WDFY3: variants seen among roughly 807,000 people sequenced by gnomAD.
WDFY3 encodes the protein WD repeat and FYVE domain containing 3.
Under a neutral mutation model 409.6 loss-of-function variants are expected in WDFY3, and 66 were observed. That is an observed-to-expected ratio of 0.16 (90% confidence interval 0.13 to 0.20). WDFY3 has a LOEUF of 0.20. Ranked by LOEUF, WDFY3 falls within the 10% of genes least tolerant of loss-of-function variation. The pLI is 1.00. For synonymous variants in WDFY3, 1,521 were observed against 1,537.1 expected, an observed-to-expected ratio of 0.99 and a Z score of 0.25; for missense variants, 3,031 against 4,298.1, an observed-to-expected ratio of 0.71 and a Z score of 8.24.
intron 12 of WDFY3, among the ~76,000 whole-genome samples, chr4:84,819,663 C>T (rs376699375): frequency 5.9e-5 from 9 of 151,922 alleles, no homozygotes; most frequent in Admixed American, 2.0e-4. Flanking sequence ...GGAGAGATTA[C>T]GTTTTATTAG....
intron 47 of WDFY3, among the ~76,000 whole-genome samples, chr4:84,719,117 A>C (rs1734431306): frequency 6.6e-6 from 1 of 152,144 alleles, no homozygotes; most frequent in Non-Finnish European, 1.5e-5. Flanking sequence ...AAAATAAGTG[A>C]GATAATGTAC....
rs902546327 is a variant in WDFY3 at position 84,942,337 on chromosome 4, TA to T, written c.-225-9975del. On this transcript the variant is annotated intron_variant, in intron 1 of 67. Coordinates refer to ENST00000295888, the MANE Select transcript of WDFY3 (RefSeq NM_014991.6). ...AATATATAATGAATTCTTTAAACAA[TA>T]AAAAAAAAGCAAACTGATTTTAAAA... Among the ~76,000 whole-genome samples the T allele has an allele frequency of 2.1e-4, 31 of 149,182 alleles. No homozygotes were observed. In the East Asian group the frequency reaches 2.5e-3, roughly 12 times the overall value.
chr4:84,855,503 T>C (rs1759635835), intron 4 of WDFY3, among the ~76,000 whole-genome samples: 1 of 152,206 alleles, frequency 6.6e-6, no homozygotes, highest in African/African-American at 2.4e-5. Context: ...ATTAATGGTG[T>C]TATCTAATGG....
At chr4:84,775,952 T>C (rs1745479091) in intron 27 of WDFY3, among the ~76,000 whole-genome samples, 1 of 151,632 alleles carries the variant, frequency 6.6e-6, no homozygotes, top group African/African-American at 2.4e-5. Context: ...AATACAGAAA[T>C]GTTAAAAAAA....
chr4:84,690,302 G>T (rs541069032), intron 61 of WDFY3, among the ~76,000 whole-genome samples: 1 of 151,992 alleles, frequency 6.6e-6, no homozygotes, highest in Middle Eastern at 3.4e-3. Flanking sequence ...TTTAACAAAG[G>T]GACCGGCTTA....
chr4:84,829,814 T>TAAATAAATAAAC (rs551996923), intron 8 of WDFY3, among the ~76,000 whole-genome samples: 3 of 144,592 alleles, frequency 2.1e-5, no homozygotes, highest in Admixed American at 2.1e-4. Context: ...TGTCTCAAAA[T>TAAATAAATAAAC]AAATAAATAA....
At chr4:84,724,266 T>G (rs1165673969) in intron 46 of WDFY3, among the ~76,000 whole-genome samples, 160 bp downstream of exon 46, 1 of 152,240 alleles carries the variant, frequency 6.6e-6, no homozygotes, top group African/African-American at 2.4e-5. Context: ...TTTTTAGTTC[T>G]GACAAAGAAA....
Position 84,880,413 on chromosome 4 carries a change from A to G in WDFY3, c.-32+16498T>C, listed in dbSNP as rs1763329009. 3.3e-5 allele frequency among the ~76,000 whole-genome samples: 5 copies of G among 151,912 alleles called. No homozygotes were observed. The South Asian group carries it at 1.0e-3, about 32-fold the overall frequency. On this transcript the variant is annotated intron_variant, in intron 3 of 67. Transcript: ENST00000295888. ...TTGTGTATCAAAAATCAAATGTGACAATACCAAATTAGTAAAGATGTGAAC... is the reference window on the plus strand; with the variant it reads ...TTGTGTATCAAAAATCAAATGTGACGATACCAAATTAGTAAAGATGTGAAC...
chr4:84,918,046 G>T (rs1256168977), intron 2 of WDFY3, among the ~76,000 whole-genome samples: 2 of 152,044 alleles, frequency 1.3e-5, no homozygotes, highest in African/African-American at 4.8e-5. Context: ...TCAAAAGCTT[G>T]ACAATAGACT....
intron 1 of WDFY3, among the ~76,000 whole-genome samples, chr4:84,959,024 CAAT>C (rs1372033967): frequency 1.3e-5 from 2 of 152,146 alleles, no homozygotes; most frequent in African/African-American, 2.4e-5. Flanking sequence ...TAATAATTGA[CAAT>C]TATTGACAGT....
rs531060022 is a variant in WDFY3 at position 84,857,649 on chromosome 4, G to A, written c.180+2763C>T. Among the ~76,000 whole-genome samples the A allele has an allele frequency of 3.3e-5, 5 of 152,124 alleles. No homozygotes were observed. The East Asian group carries it at 7.7e-4, about 24-fold the overall frequency. ...TCCCTGAATAGGGCTTAAAACAATG[G>A]CTTGTCATAGTTCTCTCTCCCATTT... On this transcript the variant is annotated intron_variant, in intron 4 of 67. Coordinates refer to ENST00000295888, the MANE Select transcript of WDFY3 (RefSeq NM_014991.6).
At chr4:84,755,865 T>TAA (rs1388491134) in intron 33 of WDFY3, among the ~76,000 whole-genome samples, 1 of 152,196 alleles carries the variant, frequency 6.6e-6, no homozygotes, top group Admixed American at 6.5e-5. Flanking sequence ...GTTTTATATA[T>TAA]AAACTTTATG....
Position 84,797,892 on chromosome 4 carries a change from A to T in WDFY3, c.2935+104T>A, listed in dbSNP as rs144731845. ...GGCCTGTTTCCCTATTTAAATAATA[A>T]ACCCTTCTCTTTCTTTGCTTTCACA... is the stretch of plus-strand genomic sequence containing the variant. On this transcript the variant is annotated intron_variant, in intron 18 of 67. Transcript: ENST00000295888. The T allele has an allele frequency of 5.4e-6, 6 of 1,101,216 alleles. No homozygotes were observed. In the East Asian group the frequency reaches 1.5e-4, roughly 28 times the overall value. The allele number at this position is 1,101,216 out of a possible 1,614,324, so 68.2% of individuals were successfully genotyped here. A position where few individuals can be genotyped will look rare whatever the true frequency, so the allele number is the denominator to read the frequency against.
intron 2 of WDFY3, among the ~76,000 whole-genome samples, chr4:84,907,367 T>G (rs974212242): frequency 1.3e-5 from 2 of 152,170 alleles, no homozygotes; most frequent in African/African-American, 4.8e-5. Context: ...TTACTTGCCC[T>G]GAAGGAAGCC....
intron 2 of WDFY3, among the ~76,000 whole-genome samples, chr4:84,910,868 G>T (rs1214233890): frequency 6.6e-6 from 1 of 151,146 alleles, no homozygotes; most frequent in African/African-American, 2.5e-5. Context: ...ACCATGTCTG[G>T]CTAATTTTTT....
At chr4:84,916,728 A>G (rs1768540636) in intron 2 of WDFY3, among the ~76,000 whole-genome samples, 1 of 152,204 alleles carries the variant, frequency 6.6e-6, no homozygotes, top group African/African-American at 2.4e-5. Context: ...AAATGAATAT[A>G]CTGAATTAAT....
intron 4 of WDFY3, among the ~76,000 whole-genome samples, chr4:84,858,838 A>T (rs745928229): frequency 2.0e-5 from 3 of 152,000 alleles, no homozygotes; most frequent in East Asian, 3.9e-4. Context: ...ATAGATCTGG[A>T]AAAAGGGGAG....
At chr4:84,722,411 T>C (rs1377111569) in intron 46 of WDFY3, among the ~76,000 whole-genome samples, 1 of 151,994 alleles carries the variant, frequency 6.6e-6, no homozygotes, top group Non-Finnish European at 1.5e-5. Flanking sequence ...ATAAACATGA[T>C]TACAAGATAT....
chr4:84,692,663 T>G (rs952436164), intron 59 of WDFY3, among the ~76,000 whole-genome samples: 4 of 152,224 alleles, frequency 2.6e-5, no homozygotes, highest in Middle Eastern at 3.4e-3. Flanking sequence ...TGTTTGGTTC[T>G]TTCTGATATG....
Sources: gnomAD v4.1 joint callset for allele counts (sites outside exome capture counted in the v4.1 genomes callset) on GRCh38, gnomAD v4.1.1 for gene constraint, MANE v1.5 for transcripts, NCBI Gene and HGNC (gene_info 2026-07-23, HGNC 2026-07-21) for gene names.